ANKRD30A: variants seen among roughly 807,000 people sequenced by gnomAD.
The protein encoded by ANKRD30A is ankyrin repeat domain-containing protein 30A.
A neutral mutation model predicts 166.3 loss-of-function variants in ANKRD30A; 170 were observed. The ratio of observed to expected loss-of-function variants is 1.02; its 90% confidence interval spans 0.90 to 1.16. The LOEUF (loss-of-function observed/expected upper bound fraction) is 1.16. Among genes scored for constraint, ANKRD30A ranks in the 50% most tolerant of loss-of-function variants. The pLI is 0.00. For missense variants in ANKRD30A, 1,630 were observed against 1,518.0 expected (o/e 1.07, Z -1.23); for synonymous variants, 564 against 508.9 (o/e 1.11, Z -1.46).
chr10:37,201,088 G>GT (rs5784545), intron 30 of ANKRD30A, 147 bp from the exon 31 acceptor site: 23,514 of 496,308 alleles, frequency 0.047, 504 homozygotes, highest in Non-Finnish European at 0.053. Context: ...CTATTAAAAT[G>GT]TTTTTTTTTA....
chr10:37,190,525 G>T (rs71489118), intron 25 of ANKRD30A, among the ~76,000 whole-genome samples: 56 of 151,864 alleles, frequency 3.7e-4, no homozygotes, highest in Non-Finnish European at 5.9e-4. Context: ...AAAAAATAAT[G>T]TTAACAGGTG....
chr10:37,223,407 G>A (rs886907805), intron 34 of ANKRD30A, among the ~76,000 whole-genome samples: 14 of 151,378 alleles, frequency 9.2e-5, no homozygotes, highest in African/African-American at 3.4e-4. Flanking sequence ...AAATGTTATG[G>A]GGAACAAATG....
At chr10:37,256,834 G>A in the ANKRD30A span, among the ~76,000 whole-genome samples, 4 of 152,188 alleles carry the variant, frequency 2.6e-5, no homozygotes, top group Non-Finnish European at 4.4e-5. Flanking sequence ...ATGTTCATAA[G>A]GGATATTGGC....
At chr10:37,244,729 T>G in the ANKRD30A span, among the ~76,000 whole-genome samples, 1 of 152,238 alleles carries the variant, frequency 6.6e-6, no homozygotes, top group Non-Finnish European at 1.5e-5. Flanking sequence ...TGAAAACCCA[T>G]GCTAGGCTGT....
chr10:37,166,830 A>G, intron 19 of ANKRD30A, 135 bp downstream of exon 19: 1 of 1,410,082 alleles, frequency 7.1e-7, no homozygotes, highest in Non-Finnish European at 9.5e-7. Context: ...TGCAATGGTC[A>G]TAAGTTATGT....
chr10:37,137,786 C>G (rs1331576967), intron 6 of ANKRD30A, among the ~76,000 whole-genome samples: 2 of 152,172 alleles, frequency 1.3e-5, no homozygotes, highest in Admixed American at 6.5e-5. Context: ...TCTGTAGACT[C>G]CACCTCTGGG....
At chr10:37,208,429 A>G (rs1011534395) in intron 31 of ANKRD30A, among the ~76,000 whole-genome samples, 1 of 152,124 alleles carries the variant, frequency 6.6e-6, no homozygotes, top group African/African-American at 2.4e-5. Flanking sequence ...AAACAAAGAC[A>G]AAGCATATTC....
chr10:37,257,863 G>A, the ANKRD30A span, among the ~76,000 whole-genome samples: 1 of 152,142 alleles, frequency 6.6e-6, no homozygotes, highest in East Asian at 1.9e-4. Context: ...ACTAACACAG[G>A]AACAGAAAAC....
chr10:37,257,476 T>C, the ANKRD30A span, among the ~76,000 whole-genome samples: 1 of 152,178 alleles, frequency 6.6e-6, no homozygotes, highest in Admixed American at 6.5e-5. Flanking sequence ...CTCTAGTTCT[T>C]TTAACTGTGA....
chr10:37,213,126 T>C (rs921258254), intron 31 of ANKRD30A, among the ~76,000 whole-genome samples: 5 of 151,862 alleles, frequency 3.3e-5, no homozygotes, highest in African/African-American at 1.2e-4. Flanking sequence ...TTTTATTCGT[T>C]CCATCTCTGA....
intron 29 of ANKRD30A, among the ~76,000 whole-genome samples, chr10:37,198,762 A>T (rs1220732415): frequency 6.6e-6 from 1 of 152,256 alleles, no homozygotes. Flanking sequence ...TTTGAAAATC[A>T]GGTATACAAT....
chr10:37,207,518 A>G (rs1842062271), intron 31 of ANKRD30A, among the ~76,000 whole-genome samples: 1 of 151,798 alleles, frequency 6.6e-6, no homozygotes, highest in African/African-American at 2.4e-5. Context: ...ATGAAGGAAA[A>G]TAGTTACATA....
chr10:37,210,781 G>T (rs554670734), intron 31 of ANKRD30A, among the ~76,000 whole-genome samples: 27 of 152,106 alleles, frequency 1.8e-4, no homozygotes, highest in Non-Finnish European at 3.1e-4. Flanking sequence ...AGAAGTATCT[G>T]TTCATATCCT....
the ANKRD30A span, among the ~76,000 whole-genome samples, chr10:37,249,005 T>C: frequency 1.3e-5 from 2 of 152,150 alleles, no homozygotes; most frequent in Non-Finnish European, 2.9e-5. Flanking sequence ...CAGAGGTCAT[T>C]GCCCAGATCA....
Position 37,219,895 on chromosome 10 carries a change from G to A in ANKRD30A, c.4183G>A (p.Glu1395Lys). ...ATATGAAAAAGAGAAAGCAGAAACA[G>A]AAGTAAGTATCAAAAAATATAAATA... The part of the protein sequence containing the change: ...YQYEKEKAET[E>K]NS The change falls in exon 34 of 36, where the codon GAA becomes AAA. Residue 1395 changes from glutamate (E) to lysine (K), a missense_variant and splice_region_variant. This residue lies in a region of ANKRD30A where 712 missense variants were observed against 629.3 expected (regional missense o/e 1.13). Coordinates refer to ENST00000361713, the MANE Select transcript of ANKRD30A (RefSeq NM_052997.3). 1 of 1,487,016 alleles carries A rather than the reference G, an allele frequency of 6.7e-7. No individual in the cohort carries two copies. The highest frequency in any genetic ancestry group is 8.9e-7 in the Non-Finnish European group (1 of 1,117,568). The allele number at this position is 1,487,016 out of a possible 1,614,324, so 92.1% of individuals were successfully genotyped here.
At chr10:37,136,321 T>A (rs1836681424) in intron 5 of ANKRD30A, among the ~76,000 whole-genome samples, 1 of 152,132 alleles carries the variant, frequency 6.6e-6, no homozygotes, top group Non-Finnish European at 1.5e-5. Flanking sequence ...TGCTAGGACT[T>A]TTTCTGAGTT....
intron 24 of ANKRD30A, among the ~76,000 whole-genome samples, chr10:37,177,984 G>C (rs538549014): frequency 6.6e-6 from 1 of 150,512 alleles, no homozygotes; most frequent in East Asian, 2.0e-4. Flanking sequence ...GATATTCCAA[G>C]ACGTGAGGAA....
At chr10:37,221,283 A>T (rs895325896) in intron 34 of ANKRD30A, among the ~76,000 whole-genome samples, 2 of 151,232 alleles carry the variant, frequency 1.3e-5, no homozygotes, top group Admixed American at 6.6e-5. Flanking sequence ...TGTTAATTTG[A>T]TAAGATGATT....
At chr10:37,156,474 T>C (rs1838392241) in intron 13 of ANKRD30A, among the ~76,000 whole-genome samples, 1 of 152,238 alleles carries the variant, frequency 6.6e-6, no homozygotes, top group African/African-American at 2.4e-5. Context: ...ACCAGAGTTT[T>C]CAACCTTACA....
Sources: allele counts gnomAD v4.1 joint callset (sites outside exome capture counted in the v4.1 genomes callset), GRCh38; gene constraint gnomAD v4.1.1; regional missense constraint gnomAD v4.1.1; transcripts MANE v1.5; gene names NCBI Gene and HGNC (gene_info 2026-07-23, HGNC 2026-07-21).